Variants in ADGRL3 observed in about 807,000 individuals in gnomAD.
ADGRL3 encodes calcium-independent alpha-latrotoxin receptor 3.
In ADGRL3, 62 loss-of-function variants were observed where a neutral mutation model predicts 153.5. That is an observed-to-expected ratio of 0.40 (90% CI 0.33 to 0.50). The LOEUF (loss-of-function observed/expected upper bound fraction) is 0.50. ADGRL3 is among the 20% of genes least tolerant of loss of function. The pLI, the probability that ADGRL3 is intolerant of heterozygous loss-of-function variation, is 0.47. For missense variants in ADGRL3, 1,641 were observed against 1,859.4 expected (o/e 0.88, Z 2.16); for synonymous variants, 710 against 672.5 (o/e 1.06, Z -0.86).
chr4:62,003,839 T>C (rs1056919390), intron 21 of ADGRL3, among the ~76,000 whole-genome samples: 2 of 152,116 alleles, frequency 1.3e-5, no homozygotes, highest in Non-Finnish European at 2.9e-5. Context: ...GGTGGAATGC[T>C]CATTTGATTA....
chr4:61,767,303 A>T (rs1187052003), intron 8 of ADGRL3, among the ~76,000 whole-genome samples: 7 of 151,036 alleles, frequency 4.6e-5, no homozygotes, highest in Admixed American at 4.6e-4. Flanking sequence ...GGGGACAACT[A>T]AAAAGGAGTG....
At chr4:61,360,785 A>G (rs529121471) in intron 1 of ADGRL3, among the ~76,000 whole-genome samples, 1 of 152,272 alleles carries the variant, frequency 6.6e-6, no homozygotes, top group South Asian at 2.1e-4. Flanking sequence ...AATACTTTTT[A>G]GTGTATGGTG....
intron 4 of ADGRL3, among the ~76,000 whole-genome samples, chr4:61,576,303 G>A (rs901756559): frequency 9.2e-5 from 14 of 151,816 alleles, no homozygotes; most frequent in East Asian, 3.9e-4. Context: ...TCCAGCATAC[G>A]ATGTGGGGCT....
chr4:62,031,632 A>G lies in ADGRL3; in HGVS notation c.3591+22A>G, dbSNP rs566527572. ...GAAGGTAAGCTAGAATTCTTTTTTT[A>G]AAATAAAAATGGCATACATTTCATG... On this transcript the variant is annotated intron_variant, in intron 23 of 26. Coordinates refer to ENST00000683033, the MANE Select transcript of ADGRL3 (RefSeq NM_001387552.1). The G allele has an allele frequency of 1.2e-4, 193 of 1,546,180 alleles. 2 individuals are homozygous for G. The South Asian group carries it at 2.1e-3, about 17-fold the overall frequency.
intron 9 of ADGRL3, among the ~76,000 whole-genome samples, chr4:61,862,897 A>G (rs1019494991): frequency 6.6e-6 from 1 of 151,846 alleles, no homozygotes; most frequent in African/African-American, 2.4e-5. Context: ...TGGGATTTTG[A>G]GGGGGTGGGG....
At chr4:61,440,009 C>T (rs530382132) in intron 2 of ADGRL3, among the ~76,000 whole-genome samples, 16 of 152,008 alleles carry the variant, frequency 1.1e-4, no homozygotes, top group East Asian at 7.7e-4. Flanking sequence ...CTGTGCTATA[C>T]GTATCTGTGC....
chr4:62,043,434 C>T (rs1363764360), intron 24 of ADGRL3, among the ~76,000 whole-genome samples: 5 of 151,928 alleles, frequency 3.3e-5, no homozygotes, highest in East Asian at 3.9e-4. Flanking sequence ...TGTGCATGCA[C>T]ACATTTGTCA....
chr4:61,870,233 T>C (rs187214411), intron 9 of ADGRL3, among the ~76,000 whole-genome samples: 146 of 152,178 alleles, frequency 9.6e-4, no homozygotes, highest in Admixed American at 2.2e-3. Flanking sequence ...TTTCAACAAA[T>C]GGTTTTAAGA....
At chr4:61,636,730 ATATG>A (rs2093439219) in intron 5 of ADGRL3, among the ~76,000 whole-genome samples, 1 of 151,350 alleles carries the variant, frequency 6.6e-6, no homozygotes, top group South Asian at 2.1e-4. Context: ...TAGGAATATA[ATATG>A]TATGTGCATA....
intron 6 of ADGRL3, among the ~76,000 whole-genome samples, chr4:61,703,929 C>A (rs1161242696): frequency 1.3e-5 from 2 of 151,884 alleles, no homozygotes; most frequent in Non-Finnish European, 2.9e-5. Context: ...TGTTCCCCAG[C>A]AGGTGGTCGG....
intron 4 of ADGRL3, among the ~76,000 whole-genome samples, chr4:61,535,304 T>C (rs1252842190): frequency 6.6e-6 from 1 of 152,000 alleles, no homozygotes; most frequent in Non-Finnish European, 1.5e-5. Flanking sequence ...TTGATCGTGA[T>C]GGATTATTTT....
intron 1 of ADGRL3, among the ~76,000 whole-genome samples, chr4:61,329,712 G>A (rs761249248): frequency 1.3e-5 from 2 of 152,076 alleles, no homozygotes; most frequent in Non-Finnish European, 2.9e-5. Flanking sequence ...ATAGTATACA[G>A]TTTTGTGTTG....
chr4:61,971,347 C>T (rs1179390589), intron 17 of ADGRL3, among the ~76,000 whole-genome samples: 1 of 152,036 alleles, frequency 6.6e-6, no homozygotes, highest in East Asian at 1.9e-4. Flanking sequence ...GTGATGTTCC[C>T]CTTCCTGTGT....
chr4:61,874,944 G>A (rs1384595112), intron 9 of ADGRL3, among the ~76,000 whole-genome samples: 3 of 150,608 alleles, frequency 2.0e-5, no homozygotes, highest in African/African-American at 7.3e-5. Flanking sequence ...GAGTAGCTGG[G>A]ACTACAGGCG....
intron 6 of ADGRL3, among the ~76,000 whole-genome samples, chr4:61,703,362 A>C (rs1160886328): frequency 6.6e-6 from 1 of 152,140 alleles, no homozygotes; most frequent in Non-Finnish European, 1.5e-5. Context: ...CCTCCTGTGA[A>C]AGTGCTTTTG....
chr4:61,605,189 A>T (rs1472487155), intron 5 of ADGRL3, among the ~76,000 whole-genome samples: 1 of 151,972 alleles, frequency 6.6e-6, no homozygotes, highest in Non-Finnish European at 1.5e-5. Flanking sequence ...GTATTATAAA[A>T]AGAAAGTATC....
At chr4:61,898,104 C>T (rs5012949) in intron 11 of ADGRL3, among the ~76,000 whole-genome samples, 34,969 of 151,892 alleles carry the variant, frequency 0.23, 4,728 homozygotes, top group East Asian at 0.44. Flanking sequence ...ACCTGTCAAG[C>T]GACCCCACTG....
intron 2 of ADGRL3, among the ~76,000 whole-genome samples, chr4:61,397,895 G>A (rs1578637289): frequency 6.6e-6 from 1 of 151,820 alleles, no homozygotes; most frequent in African/African-American, 2.4e-5. Flanking sequence ...AATATAATGG[G>A]TAAATAATAA....
chr4:61,373,057 G>T (rs569935124), intron 1 of ADGRL3, among the ~76,000 whole-genome samples: 55 of 152,234 alleles, frequency 3.6e-4, no homozygotes, highest in African/African-American at 1.3e-3. Flanking sequence ...TGTGCTTCCC[G>T]AGTGAGGCAA....
Sources: gnomAD v4.1 joint callset for allele counts (sites outside exome capture counted in the v4.1 genomes callset) on GRCh38, gnomAD v4.1.1 for gene constraint, MANE v1.5 for transcripts, NCBI Gene and HGNC (gene_info 2026-07-23, HGNC 2026-07-21) for gene names.